Variants in RASSF3 observed in about 807,000 individuals in gnomAD.
RASSF3 encodes the protein Ras association domain family member 3.
Under a neutral mutation model 19.9 loss-of-function variants are expected in RASSF3, and 19 were observed. The observed-to-expected ratio is 0.96, with a 90% CI of 0.67 to 1.40. The LOEUF (loss-of-function observed/expected upper bound fraction) is 1.40, where lower values mean the gene tolerates loss of function less well. RASSF3 is among the 40% of genes most tolerant of loss of function. The pLI, the probability that RASSF3 is intolerant of heterozygous loss-of-function variation, is 0.00. For synonymous variants in RASSF3, 110 were observed against 104.2 expected, an observed-to-expected ratio of 1.06 and a Z score of -0.34; for missense variants, 306 against 289.8, an observed-to-expected ratio of 1.06 and a Z score of -0.41.
Position 64,684,846 on chromosome 12 carries a change from A to C in RASSF3, c.171A>C (p.Lys57Asn), listed in dbSNP as rs1159645860. The C allele has an allele frequency of 1.2e-6, 2 of 1,613,866 alleles. No individual in the cohort carries two copies. The highest frequency in any genetic ancestry group is 2.2e-5 in the South Asian group (2 of 91,086). The change falls in exon 2 of 5, where the codon AAA becomes AAC. Residue 57 changes from lysine (K) to asparagine (N), a missense_variant. Transcript: ENST00000542104. Reference protein sequence around the residue: ...SYLSKEEIKEKVHKYNLAVTD... With the variant: ...SYLSKEEIKENVHKYNLAVTD... ...TCAGCAAAGAGGAGATCAAAGAGAA[A>C]GTTCATAAATACAACTTAGCAGTCA...
At chr12:64,651,020 T>G (rs144578250) in intron 1 of RASSF3, among the ~76,000 whole-genome samples, 85 of 152,308 alleles carry the variant, frequency 5.6e-4, no homozygotes, top group African/African-American at 1.9e-3. Flanking sequence ...AAGATCTGTT[T>G]GCTGTGTGTG....
intron 2 of RASSF3, among the ~76,000 whole-genome samples, chr12:64,586,152 C>G (rs538554982): frequency 1.2e-4 from 19 of 152,078 alleles, no homozygotes; most frequent in East Asian, 1.2e-3. Context: ...TGGCGAAACC[C>G]TGTCTCACTA....
intron 1 of RASSF3, among the ~76,000 whole-genome samples, chr12:64,663,802 G>A (rs1457064779): frequency 2.7e-5 from 4 of 149,160 alleles, no homozygotes; most frequent in Admixed American, 1.3e-4. Flanking sequence ...CACCACCCCC[G>A]GCCATCCTGC....
At chr12:64,594,421 TAA>T (rs1869968511) in intron 2 of RASSF3, among the ~76,000 whole-genome samples, 1 of 152,132 alleles carries the variant, frequency 6.6e-6, no homozygotes, top group Non-Finnish European at 1.5e-5. Flanking sequence ...CTCCCACCAA[TAA>T]AGTTTTTAAT....
chr12:64,546,834 A>G (rs1257167399), intron 2 of RASSF3, among the ~76,000 whole-genome samples: 1 of 152,222 alleles, frequency 6.6e-6, no homozygotes, highest in Non-Finnish European at 1.5e-5. Context: ...TGATAGAGCG[A>G]TAAACTTCAG....
At chr12:64,559,560 C>T (rs747720149) in intron 2 of RASSF3, among the ~76,000 whole-genome samples, 20 of 152,064 alleles carry the variant, frequency 1.3e-4, no homozygotes, top group Non-Finnish European at 2.1e-4. Flanking sequence ...TGAGCCACCG[C>T]GCCTGGCCCC....
chr12:64,510,119 A>T (rs374996185), intron 1 of RASSF3, among the ~76,000 whole-genome samples: 1 of 152,072 alleles, frequency 6.6e-6, no homozygotes, highest in East Asian at 1.9e-4. Context: ...TTCTGTTGAA[A>T]TATTACTCTA....
intron 1 of RASSF3, among the ~76,000 whole-genome samples, chr12:64,626,335 G>C (rs537259799): frequency 6.6e-6 from 1 of 151,852 alleles, no homozygotes; most frequent in Non-Finnish European, 1.5e-5. Context: ...AGGAGTTTGA[G>C]ACCAACCTGG....
intron 2 of RASSF3, among the ~76,000 whole-genome samples, chr12:64,548,544 A>G (rs1181248790): frequency 1.3e-5 from 2 of 152,170 alleles, no homozygotes; most frequent in African/African-American, 4.8e-5. Context: ...AGCTGCAACA[A>G]TATCTTTGTA....
At position 64,694,917 on chromosome 12, in the gene RASSF3, G is replaced by C. The variant is rs780840393; in HGVS notation, c.*5G>C. ...GAGGTGTGGAAGCCTGATTAAAGCGGGGCTCCCTGCCCGTGAGGCCCGGTG... is the reference window on the plus strand; with the variant it reads ...GAGGTGTGGAAGCCTGATTAAAGCGCGGCTCCCTGCCCGTGAGGCCCGGTG... On this transcript the variant is annotated 3_prime_UTR_variant, in exon 5 of 5. Coordinates refer to ENST00000542104, the MANE Select transcript of RASSF3 (RefSeq NM_178169.4). 9 of 1,613,330 alleles carry C rather than the reference G, an allele frequency of 5.6e-6. No homozygotes were observed. The South Asian group carries it at 7.7e-5, about 14-fold the overall frequency.
chr12:64,624,151 G>A (rs1353111628), intron 1 of RASSF3, among the ~76,000 whole-genome samples: 6 of 151,922 alleles, frequency 3.9e-5, no homozygotes, highest in South Asian at 2.1e-4. Flanking sequence ...GAACGAGTAC[G>A]TTTCATAAAG....
At chr12:64,656,630 G>A (rs1267513183) in intron 1 of RASSF3, among the ~76,000 whole-genome samples, 2 of 152,146 alleles carry the variant, frequency 1.3e-5, no homozygotes, top group East Asian at 3.8e-4. Flanking sequence ...TTTGTGCAGT[G>A]AAAGTTGTTT....
At chr12:64,582,838 G>T (rs1487476415) in intron 2 of RASSF3, among the ~76,000 whole-genome samples, 1 of 152,084 alleles carries the variant, frequency 6.6e-6, no homozygotes. Flanking sequence ...TTCTGATTTG[G>T]CACTACTATT....
chr12:64,624,445 T>G, intron 1 of RASSF3, among the ~76,000 whole-genome samples: 1 of 151,942 alleles, frequency 6.6e-6, no homozygotes, highest in East Asian at 1.9e-4. Context: ...TATTTTTATT[T>G]TTTACATTTT....
chr12:64,510,460 T>C (rs1256221593), intron 1 of RASSF3, among the ~76,000 whole-genome samples: 1 of 152,182 alleles, frequency 6.6e-6, no homozygotes, highest in Non-Finnish European at 1.5e-5. Flanking sequence ...CATCTAAAGG[T>C]TGGCAGAAAT....
intron 1 of RASSF3, among the ~76,000 whole-genome samples, chr12:64,641,791 A>G (rs1170168160): frequency 6.6e-6 from 1 of 150,994 alleles, no homozygotes; most frequent in Non-Finnish European, 1.5e-5. Flanking sequence ...TGCCCAGGCT[A>G]GAGTGCAGTA....
At chr12:64,586,356 G>A (rs1869799903) in intron 2 of RASSF3, among the ~76,000 whole-genome samples, 1 of 151,310 alleles carries the variant, frequency 6.6e-6, no homozygotes, top group African/African-American at 2.4e-5. Flanking sequence ...TGGGCATGGT[G>A]GTATGCACCC....
At chr12:64,523,684 C>A (rs1450655623) in intron 1 of RASSF3, among the ~76,000 whole-genome samples, 1 of 151,894 alleles carries the variant, frequency 6.6e-6, no homozygotes, top group Non-Finnish European at 1.5e-5. Context: ...GCAAGAGGAA[C>A]AAATGTTTTC....
At chr12:64,691,737 G>GAGGGCAGGGGGATGGGGAGAGA (rs1555217324) in intron 4 of RASSF3, among the ~76,000 whole-genome samples, 158 bp downstream of exon 4, 1 of 151,696 alleles carries the variant, frequency 6.6e-6, no homozygotes, top group Non-Finnish European at 1.5e-5. Context: ...CAGGGAGAGG[G>GAGGGCAGGGGGATGGGGAGAGA]AGAGGGATTT....
Sources: allele counts gnomAD v4.1 joint callset (sites outside exome capture counted in the v4.1 genomes callset), GRCh38; gene constraint gnomAD v4.1.1; transcripts MANE v1.5; gene names NCBI Gene and HGNC (gene_info 2026-07-23, HGNC 2026-07-21).